The following MKLN1 variants were observed in gnomAD, a reference collection of about 807,000 sequenced individuals.
MKLN1 encodes the protein muskelin.
MKLN1 carries 18 observed loss-of-function variants against 99.0 expected under a neutral mutation model. The ratio of observed to expected loss-of-function variants is 0.18; its 90% CI spans 0.13 to 0.27. The LOEUF (loss-of-function observed/expected upper bound fraction) is 0.27. MKLN1 is among the 10% of genes least tolerant of loss of function. The pLI is 1.00. For synonymous variants in MKLN1, 288 were observed against 293.2 expected (o/e 0.98, Z 0.18); for missense variants, 621 against 875.9 (o/e 0.71, Z 3.67).
At chr7:131,177,433 G>C (rs2571567) in intron 2 of MKLN1, among the ~76,000 whole-genome samples, 149,377 of 149,382 alleles carry the variant, frequency 1, 74,686 homozygotes, top group Middle Eastern at 1. Context: ...TGTGCCACTG[G>C]ACTCCAGCCT....
chr7:131,456,388 G>C (rs962054251), intron 12 of MKLN1, among the ~76,000 whole-genome samples: 1 of 152,146 alleles, frequency 6.6e-6, no homozygotes, highest in Non-Finnish European at 1.5e-5. Context: ...AATCAACCCA[G>C]AGAAATAAAA....
intron 2 of MKLN1, among the ~76,000 whole-genome samples, chr7:131,382,404 TG>T (rs1793880244): frequency 6.6e-6 from 1 of 152,040 alleles, no homozygotes; most frequent in Admixed American, 6.6e-5. Context: ...CAAGTCTTTG[TG>T]GTTTTAATTT....
At position 131,465,417 on chromosome 7, in the gene MKLN1, T is replaced by C. The variant is rs71578987; in HGVS notation, c.1789-859T>C. The stretch of plus-strand genomic sequence containing the variant: ...TTGATTAATGTAATAGTGAAATCAT[T>C]ATAAATTCCTTTTGCATTTCATTTT... On this transcript the variant is annotated intron_variant, in intron 14 of 17. Coordinates refer to ENST00000352689, the MANE Select transcript of MKLN1 (RefSeq NM_013255.5). Among the ~76,000 whole-genome samples the C allele has an allele frequency of 4.7e-3, 714 of 152,360 alleles. 3 individuals carry two copies. Among genetic ancestry groups the C allele is most frequent in the Non-Finnish European group, 7.8e-3 (529 of 68,042 alleles).
At chr7:131,297,233 C>T (rs1001833499) in intron 3 of MKLN1, among the ~76,000 whole-genome samples, 10 of 151,864 alleles carry the variant, frequency 6.6e-5, no homozygotes, top group African/African-American at 1.5e-4. Flanking sequence ...TGGTGGCGTG[C>T]GCCTGTAGTT....
At chr7:131,398,177 G>A (rs1794415094) in intron 5 of MKLN1, among the ~76,000 whole-genome samples, 1 of 152,046 alleles carries the variant, frequency 6.6e-6, no homozygotes, top group African/African-American at 2.4e-5. Context: ...CATGTCATCT[G>A]TTTGTTTGAA....
intron 2 of MKLN1, among the ~76,000 whole-genome samples, chr7:131,159,122 G>A (rs1372125958): frequency 6.6e-6 from 1 of 152,136 alleles, no homozygotes; most frequent in African/African-American, 2.4e-5. Context: ...TGAGCCCGGA[G>A]GTGGAGGTTG....
chr7:131,383,378 C>A (rs1209362599), intron 2 of MKLN1, among the ~76,000 whole-genome samples: 1 of 152,172 alleles, frequency 6.6e-6, no homozygotes, highest in Non-Finnish European at 1.5e-5. Context: ...TATTTAGCTT[C>A]TTTGAGGTTG....
chr7:131,127,123 C>A (rs1280596884), intron 1 of MKLN1, among the ~76,000 whole-genome samples: 2 of 150,020 alleles, frequency 1.3e-5, no homozygotes, highest in East Asian at 4.0e-4. Context: ...CGAGATCATG[C>A]CATTGCACTC....
At chr7:131,394,702 G>A (rs971725619) in intron 4 of MKLN1, among the ~76,000 whole-genome samples, 2 of 151,874 alleles carry the variant, frequency 1.3e-5, no homozygotes, top group African/African-American at 4.9e-5. Flanking sequence ...TTATTCAGTC[G>A]GATATTGGAA....
At chr7:131,215,133 G>A (rs35620827) in intron 3 of MKLN1, among the ~76,000 whole-genome samples, 26,828 of 151,822 alleles carry the variant, frequency 0.18, 2,855 homozygotes, top group Non-Finnish European at 0.25. Context: ...TGCAACCTCC[G>A]CCTTCTGGGT....
chr7:131,420,230 T>C (rs932153057), intron 8 of MKLN1, among the ~76,000 whole-genome samples: 4 of 150,708 alleles, frequency 2.7e-5, no homozygotes, highest in African/African-American at 9.7e-5. Context: ...GCCCATCAGC[T>C]GGCTGCTTAT....
intron 1 of MKLN1, among the ~76,000 whole-genome samples, chr7:131,138,523 A>C (rs1795685273): frequency 6.6e-6 from 1 of 152,198 alleles, no homozygotes; most frequent in African/African-American, 2.4e-5. Context: ...AAGTGTTGTT[A>C]CTGTAAATTA....
chr7:131,399,484 C>G, intron 6 of MKLN1, 51 bp downstream of exon 6: 2 of 1,482,138 alleles, frequency 1.3e-6, no homozygotes, highest in Non-Finnish European at 1.8e-6. Context: ...ATACGGGAAA[C>G]TTTTTCTCAA....
intron 4 of MKLN1, among the ~76,000 whole-genome samples, chr7:131,391,353 A>G (rs192102923): frequency 6.6e-6 from 1 of 152,326 alleles, no homozygotes; most frequent in East Asian, 1.9e-4. Flanking sequence ...AAACAGCAAA[A>G]TTTCTCAATT....
At chr7:131,144,426 G>A (rs146352570) in intron 2 of MKLN1, among the ~76,000 whole-genome samples, 1 of 151,196 alleles carries the variant, frequency 6.6e-6, no homozygotes, top group East Asian at 1.9e-4. Flanking sequence ...AACTTGCAGT[G>A]AGCCAAGATC....
intron 4 of MKLN1, 133 bp from the exon 5 acceptor site, chr7:131,397,134 T>C (rs1035712652): frequency 1.8e-5 from 11 of 610,420 alleles, no homozygotes; most frequent in African/African-American, 1.3e-4. Context: ...AGCACCATGC[T>C]AGTCATATAA....
At chr7:131,281,845 A>G (rs1040618309) in intron 3 of MKLN1, among the ~76,000 whole-genome samples, 10 of 151,844 alleles carry the variant, frequency 6.6e-5, no homozygotes, top group African/African-American at 1.5e-4. Context: ...GCTAATTTCT[A>G]AATTTTTTGC....
intron 1 of MKLN1, among the ~76,000 whole-genome samples, chr7:131,111,987 C>T (rs1795209913): frequency 6.6e-6 from 1 of 152,210 alleles, no homozygotes; most frequent in Admixed American, 6.5e-5. Context: ...TTACCAATTC[C>T]TCTATGTCCC....
At chr7:131,190,055 T>C (rs1310487710) in intron 2 of MKLN1, among the ~76,000 whole-genome samples, 1 of 152,150 alleles carries the variant, frequency 6.6e-6, no homozygotes, top group African/African-American at 2.4e-5. Flanking sequence ...AAATACCTGG[T>C]GGGTTACTTA....
Sources: allele counts gnomAD v4.1 joint callset (sites outside exome capture counted in the v4.1 genomes callset), GRCh38; gene constraint gnomAD v4.1.1; transcripts MANE v1.5; gene names NCBI Gene and HGNC (gene_info 2026-07-23, HGNC 2026-07-21).